SFMBT1: variants seen among roughly 807,000 people sequenced by gnomAD.
SFMBT1 encodes the protein scm-like with four MBT domains protein 1.
Under a neutral mutation model 108.7 loss-of-function variants are expected in SFMBT1, and 32 were observed. That is an observed-to-expected ratio of 0.29 (90% CI 0.22 to 0.40). The LOEUF (loss-of-function observed/expected upper bound fraction) is 0.40, where lower values mean the gene tolerates loss of function less well. SFMBT1 is among the 10% of genes least tolerant of loss of function. The pLI is 1.00. For missense variants in SFMBT1, 816 were observed against 1,059.6 expected (o/e 0.77, Z 3.19); for synonymous variants, 348 against 369.5 (o/e 0.94, Z 0.67).
At chr3:53,011,593 G>A (rs544837280) in intron 1 of SFMBT1, among the ~76,000 whole-genome samples, 56 of 152,244 alleles carry the variant, frequency 3.7e-4, no homozygotes, top group Non-Finnish European at 6.8e-4. Context: ...GCAGAGAAGC[G>A]GCCATCAGAA....
At chr3:53,022,704 A>G (rs1490413846) in intron 1 of SFMBT1, among the ~76,000 whole-genome samples, 2 of 152,200 alleles carry the variant, frequency 1.3e-5, no homozygotes, top group Admixed American at 6.5e-5. Context: ...AGGTACCTAA[A>G]GTAGTAAATT....
At chr3:53,035,729 T>TG (rs1402620403) in intron 1 of SFMBT1, among the ~76,000 whole-genome samples, 1 of 152,182 alleles carries the variant, frequency 6.6e-6, no homozygotes, top group Non-Finnish European at 1.5e-5. Context: ...CCCCAGTAGC[T>TG]GGGATTACAG....
chr3:52,943,921 C>A (rs1373432684), intron 3 of SFMBT1, among the ~76,000 whole-genome samples: 1 of 152,146 alleles, frequency 6.6e-6, no homozygotes, highest in African/African-American at 2.4e-5. Flanking sequence ...AGAATGATTT[C>A]TGCATCAACC....
chr3:52,940,208 A>G (rs1218567189), intron 4 of SFMBT1, among the ~76,000 whole-genome samples: 1 of 152,242 alleles, frequency 6.6e-6, no homozygotes, highest in Non-Finnish European at 1.5e-5. Flanking sequence ...CTCACAAAGT[A>G]AAAAACCTTC....
intron 3 of SFMBT1, among the ~76,000 whole-genome samples, chr3:52,947,009 C>T (rs909593774): frequency 1.1e-4 from 16 of 151,978 alleles, no homozygotes; most frequent in South Asian, 2.1e-4. Context: ...GGGCCTCAAG[C>T]GATCCACCTG....
rs552807695 is a variant in SFMBT1, at chr3:52,928,347, C to T, written c.898-6G>A. On this transcript the variant is annotated splice_region_variant and splice_polypyrimidine_tract_variant and intron_variant, in intron 8 of 20. Coordinates refer to ENST00000394752, the MANE Select transcript of SFMBT1 (RefSeq NM_016329.4). ...AAGTACTTCTCATCAAAAACCTATACATGCAATTAATAGATGAAATAGACA... is the reference window on the plus strand; with the variant it reads ...AAGTACTTCTCATCAAAAACCTATATATGCAATTAATAGATGAAATAGACA... 3 of 1,612,674 alleles carry T rather than the reference C, an allele frequency of 1.9e-6. No individual in the cohort carries two copies. In the Admixed American group the frequency reaches 5.0e-5, roughly 27 times the overall value.
At chr3:52,934,679 T>C (rs1474100800) in intron 5 of SFMBT1, 134 bp downstream of exon 5, 2 of 639,906 alleles carry the variant, frequency 3.1e-6, no homozygotes, top group Non-Finnish European at 5.0e-6. Flanking sequence ...AAGTTTAAAC[T>C]TCCCAATACC....
intron 4 of SFMBT1, among the ~76,000 whole-genome samples, chr3:52,942,512 C>G (rs1703217094): frequency 6.6e-6 from 1 of 152,060 alleles, no homozygotes; most frequent in African/African-American, 2.4e-5. Flanking sequence ...TACCAAAAGT[C>G]TGGTATTTTC....
intron 1 of SFMBT1, among the ~76,000 whole-genome samples, chr3:52,985,024 T>A (rs1704856901): frequency 6.6e-6 from 1 of 152,158 alleles, no homozygotes; most frequent in Non-Finnish European, 1.5e-5. Context: ...TATCCTTATA[T>A]TATCTTATAG....
In SFMBT1 at chr3:52,913,589, T is replaced by C. The variant is rs2106767723; in HGVS notation, c.1509A>G (p.Pro503=). 6.2e-7 allele frequency: 1 copy of C among 1,613,952 alleles called. No homozygotes were observed. The highest frequency in any genetic ancestry group is 1.1e-5 in the South Asian group (1 of 90,988). Residue 503 remains proline, a synonymous_variant, in exon 15 of 21, where the codon CCA becomes CCG. Coordinates refer to ENST00000394752, the MANE Select transcript of SFMBT1 (RefSeq NM_016329.4). The part of the protein sequence containing the change: ...SVMINGKYCC[P]KIYFNHRCFS... ...AGCAACGGTGGTTGAAGTATATCTT[T>C]GGACAGCAATATTTTCCATTAATCA...
intron 3 of SFMBT1, among the ~76,000 whole-genome samples, chr3:52,945,529 CG>C (rs1703336734): frequency 6.6e-6 from 1 of 151,782 alleles, no homozygotes; most frequent in African/African-American, 2.4e-5. Context: ...TTGCAAGAGC[CG>C]GGCGCGGTGG....
chr3:52,951,116 T>TAAA lies in SFMBT1; in HGVS notation c.123+3198_123+3200dup, dbSNP rs60541061. 2.3e-3 allele frequency among the ~76,000 whole-genome samples: 191 copies of TAAA among 81,540 alleles called. 6 individuals are homozygous for TAAA. The highest frequency in any genetic ancestry group is 4.7e-3 in the African/African-American group (89 of 19,018). The allele number at this position is 81,540 out of a possible 152,430, so 53.5% of individuals were successfully genotyped here. A position where few individuals can be genotyped will look rare whatever the true frequency, so the allele number is the denominator to read the frequency against. ...GGGCAACAGAGCAAGACTCTTATCT[T>TAAA]AAAAAAAAAAAAAAAAGAAAAATCC... On this transcript the variant is annotated intron_variant, in intron 3 of 20. Transcript: ENST00000394752.
At chr3:52,982,972 C>A (rs1704769143) in intron 1 of SFMBT1, among the ~76,000 whole-genome samples, 1 of 152,116 alleles carries the variant, frequency 6.6e-6, no homozygotes, top group Admixed American at 6.5e-5. Flanking sequence ...TGATATGGCA[C>A]TGAAACTAAA....
chr3:53,010,885 C>T (rs1349507737), intron 1 of SFMBT1, among the ~76,000 whole-genome samples: 2 of 152,164 alleles, frequency 1.3e-5, no homozygotes, highest in Non-Finnish European at 2.9e-5. Context: ...TCTGTATCTT[C>T]GGAACTGTCT....
At chr3:52,966,950 T>TTCTATATATATATATATATATATATA (rs771662773) in intron 2 of SFMBT1, among the ~76,000 whole-genome samples, 1 of 146,704 alleles carries the variant, frequency 6.8e-6, no homozygotes, top group African/African-American at 2.5e-5. Flanking sequence ...TTGTGATAAG[T>TTCTATATATATATATATATATATATA]TATATATATA....
intron 2 of SFMBT1, among the ~76,000 whole-genome samples, chr3:52,964,029 T>C (rs1225772701): frequency 6.6e-6 from 1 of 152,110 alleles, no homozygotes; most frequent in Non-Finnish European, 1.5e-5. Context: ...GTTTGTTTTG[T>C]TTTTTTGAGA....
At chr3:52,970,855 C>A (rs1181113592) in intron 1 of SFMBT1, among the ~76,000 whole-genome samples, 1 of 152,112 alleles carries the variant, frequency 6.6e-6, no homozygotes, top group Non-Finnish European at 1.5e-5. Context: ...GTAGGGATGG[C>A]CAGGTGCGTG....
At chr3:53,035,974 G>C (rs967962351) in intron 1 of SFMBT1, among the ~76,000 whole-genome samples, 4 of 152,220 alleles carry the variant, frequency 2.6e-5, no homozygotes, top group African/African-American at 7.2e-5. Flanking sequence ...TTAATATCTA[G>C]TTTCACTTTC....
Position 52,920,726 on chromosome 3 carries a change from C to T in SFMBT1, c.1259-76G>A. ...ACCATTAAATAACCTTCTTCATAAA[C>T]TATTTTCTAGATAATGTTCTACTCT... On this transcript the variant is annotated intron_variant, in intron 11 of 20. Transcript: ENST00000394752. The T allele has an allele frequency of 3.5e-6, 3 of 851,812 alleles. No homozygotes were observed. In the East Asian group the frequency reaches 7.7e-5, roughly 22 times the overall value. The allele number at this position is 851,812 out of a possible 1,614,324, so 52.8% of individuals were successfully genotyped here.
Sources: gnomAD v4.1 joint callset for allele counts (sites outside exome capture counted in the v4.1 genomes callset) on GRCh38, gnomAD v4.1.1 for gene constraint, MANE v1.5 for transcripts, NCBI Gene and HGNC (gene_info 2026-07-23, HGNC 2026-07-21) for gene names.